Variants in AIDA observed in about 807,000 individuals in gnomAD.
AIDA encodes axin interactor, dorsalization associated, also known as axin interactor, dorsalization-associated protein.
Under a neutral mutation model 42.7 loss-of-function variants are expected in AIDA, and 18 were observed. That is an observed-to-expected ratio of 0.42 (90% CI 0.29 to 0.63). The LOEUF is 0.63. Ranked by LOEUF, AIDA falls within the 20% of genes least tolerant of loss-of-function variation. AIDA has a pLI of 0.19. For missense variants in AIDA, 250 were observed against 354.1 expected, an observed-to-expected ratio of 0.71 and a Z score of 2.36; for synonymous variants, 104 against 122.9, an observed-to-expected ratio of 0.85 and a Z score of 1.02.
chr1:222,689,025 C>A (rs1189668669), intron 4 of AIDA, among the ~76,000 whole-genome samples: 1 of 151,888 alleles, frequency 6.6e-6, no homozygotes, highest in Non-Finnish European at 1.5e-5. Flanking sequence ...ATGATCCTGA[C>A]CCCGTGTAGG....
intron 6 of AIDA, among the ~76,000 whole-genome samples, chr1:222,678,975 CTG>C (rs1664605353): frequency 6.6e-6 from 1 of 152,158 alleles, no homozygotes; most frequent in Non-Finnish European, 1.5e-5. Context: ...GGATGAGTAA[CTG>C]TTCATTTTTG....
In AIDA at chr1:222,693,789, T is replaced by C; in HGVS notation, c.289A>G (p.Ile97Val). ...CAAAAAAATATAAACTTAAACTTAC[T>C]TGGTTCTAGCTTCTTCAGGTCCTCC... Reference protein sequence around the residue: ...KLEDLKKLEPILKNILTYNKE... With the variant: ...KLEDLKKLEPVLKNILTYNKE... The change falls in exon 4 of 10, where the codon ATC becomes GTC. Residue 97 changes from isoleucine (I) to valine (V), a missense_variant and splice_region_variant. By Grantham distance (29) the Ile-to-Val change is conservative (BLOSUM62 3). Transcript: ENST00000340020. The C allele has an allele frequency of 6.2e-7, 1 of 1,605,790 alleles. No individual in the cohort carries two copies. Among genetic ancestry groups the C allele is most frequent in the South Asian group, 1.1e-5 (1 of 90,236 alleles).
At chr1:222,706,327 C>A (rs564364571) in intron 1 of AIDA, among the ~76,000 whole-genome samples, 1 of 152,196 alleles carries the variant, frequency 6.6e-6, no homozygotes, top group East Asian at 1.9e-4. Context: ...TAGGCATCTA[C>A]CCAAGAAAAA....
chr1:222,703,308 A>G (rs1655760487), intron 1 of AIDA, 91 bp from the exon 2 acceptor site: 1 of 902,188 alleles, frequency 1.1e-6, no homozygotes, highest in Admixed American at 3.0e-5. Context: ...CATGTGAAGT[A>G]CAATTATTGT....
At chr1:222,704,705 A>G (rs1336600518) in intron 1 of AIDA, among the ~76,000 whole-genome samples, 1 of 152,168 alleles carries the variant, frequency 6.6e-6, no homozygotes, top group Non-Finnish European at 1.5e-5. Flanking sequence ...AGTGATGGGA[A>G]TGTTCAGGAA....
chr1:222,703,317 G>T, intron 1 of AIDA, 100 bp from the exon 2 acceptor site: 1 of 793,978 alleles, frequency 1.3e-6, no homozygotes, highest in Non-Finnish European at 1.9e-6. Flanking sequence ...TACAATTATT[G>T]TCCTGTTTTT....
At chr1:222,702,254 A>G (rs1655729977) in intron 2 of AIDA, among the ~76,000 whole-genome samples, 2 of 152,222 alleles carry the variant, frequency 1.3e-5, no homozygotes. Flanking sequence ...TAGGCTTACC[A>G]TAAAAGTGTG....
intron 2 of AIDA, among the ~76,000 whole-genome samples, chr1:222,698,448 A>ATTTTT (rs36041357): frequency 7.9e-6 from 1 of 127,374 alleles, no homozygotes; most frequent in African/African-American, 2.8e-5. Flanking sequence ...TTATTCATCA[A>ATTTTT]TTTTTTTTTT....
At chr1:222,711,804 C>T (rs1010449402) in intron 1 of AIDA, 1 of 219,258 alleles carries the variant, frequency 4.6e-6, no homozygotes, top group African/African-American at 2.4e-5. Context: ...GGAGAACACA[C>T]AAGTATTCCT....
intron 1 of AIDA, among the ~76,000 whole-genome samples, chr1:222,704,889 A>G (rs1448069436): frequency 1.3e-5 from 2 of 152,216 alleles, no homozygotes; most frequent in East Asian, 3.8e-4. Flanking sequence ...ATTATGTACT[A>G]TTCTGGGTGG....
chr1:222,695,353 A>G (rs1288844082), intron 2 of AIDA, among the ~76,000 whole-genome samples: 1 of 152,188 alleles, frequency 6.6e-6, no homozygotes, highest in Non-Finnish European at 1.5e-5. Flanking sequence ...TTAGCCAGGT[A>G]TGGTTGCACA....
rs563690674 is a variant in AIDA at position 222,689,640 on chromosome 1, C to T, written c.290-1982G>A. Among the ~76,000 whole-genome samples the T allele has an allele frequency of 8.9e-5, 13 of 145,692 alleles. No homozygotes were observed. In the East Asian group the frequency reaches 2.6e-3, roughly 29 times the overall value. On this transcript the variant is annotated intron_variant, in intron 4 of 9. Transcript: ENST00000340020. ...ACGTATATATATTTGTACAGCTGTA[C>T]AAAGTGTTTGTATTTTAAGCTAAAT...
At chr1:222,678,964 G>A (rs553689772) in intron 6 of AIDA, among the ~76,000 whole-genome samples, 10 of 152,232 alleles carry the variant, frequency 6.6e-5, no homozygotes, top group Admixed American at 3.9e-4. Flanking sequence ...CCTGAAAGAC[G>A]GGATGAGTAA....
In AIDA at chr1:222,704,922, G is replaced by T. The variant is rs374372153; in HGVS notation, c.111-1705C>A. On this transcript the variant is annotated intron_variant, in intron 1 of 9. Coordinates refer to ENST00000340020, the MANE Select transcript of AIDA (RefSeq NM_022831.4). ...TGGGCAATAGGAACAGGAATACAAA[G>T]GGTAGCAAGTGCTAGATTTTCTACC... is the stretch of plus-strand genomic sequence containing the variant. Among the ~76,000 whole-genome samples, 12 of 152,178 alleles carry T rather than the reference G, an allele frequency of 7.9e-5. No homozygotes were observed. The East Asian group carries it at 2.1e-3, about 27-fold the overall frequency.
At position 222,670,998 on chromosome 1, in the gene AIDA, C is replaced by A. The variant is rs947687069; in HGVS notation, c.707-748G>T. 3.3e-5 allele frequency among the ~76,000 whole-genome samples: 5 copies of A among 152,104 alleles called. No homozygotes were observed. In the East Asian group the frequency reaches 9.6e-4, roughly 29 times the overall value. Reference sequence around the variant, plus strand: ...CTTTGGGAGGCAGAGATGGGCAGATCACTTGAGCCCAGGAGTTTGAGACCA... The same window carrying A: ...CTTTGGGAGGCAGAGATGGGCAGATAACTTGAGCCCAGGAGTTTGAGACCA... On this transcript the variant is annotated intron_variant, in intron 8 of 9. Transcript: ENST00000340020.
chr1:222,687,525 G>A, intron 5 of AIDA, 70 bp downstream of exon 5: 2 of 1,326,184 alleles, frequency 1.5e-6, no homozygotes, highest in Non-Finnish European at 2.1e-6. Flanking sequence ...TGATATTTAA[G>A]AAAACCCAGA....
intron 1 of AIDA, among the ~76,000 whole-genome samples, chr1:222,706,935 GAC>G (rs1359443489): frequency 1.3e-5 from 2 of 151,230 alleles, no homozygotes; most frequent in Non-Finnish European, 2.9e-5. Flanking sequence ...GATCTATAGA[GAC>G]AAAATGTAGA....
chr1:222,682,611 T>C, intron 6 of AIDA, among the ~76,000 whole-genome samples: 1 of 152,316 alleles, frequency 6.6e-6, no homozygotes, highest in South Asian at 2.1e-4. Context: ...TGATAATATA[T>C]GCATTGCTAG....
intron 2 of AIDA, among the ~76,000 whole-genome samples, chr1:222,697,646 A>G (rs1655559781): frequency 6.6e-6 from 1 of 152,184 alleles, no homozygotes; most frequent in Admixed American, 6.5e-5. Flanking sequence ...ACAGCTCAAA[A>G]GATCAGTTAA....
Sources: allele counts gnomAD v4.1 joint callset (sites outside exome capture counted in the v4.1 genomes callset), GRCh38; gene constraint gnomAD v4.1.1; transcripts MANE v1.5; gene names NCBI Gene and HGNC (gene_info 2026-07-23, HGNC 2026-07-21).